PCDH15: variants seen among roughly 807,000 people sequenced by gnomAD.
PCDH15 encodes protocadherin-15.
A neutral mutation model predicts 178.5 loss-of-function variants in PCDH15; 129 were observed. The observed-to-expected ratio is 0.72, with a 90% CI of 0.63 to 0.84. The LOEUF (loss-of-function observed/expected upper bound fraction) is 0.84, where lower values mean the gene tolerates loss of function less well. Among genes scored for constraint, PCDH15 ranks in the 40% least tolerant of loss-of-function variants. PCDH15 has a pLI of 0.00. For synonymous variants in PCDH15, 800 were observed against 732.0 expected, an observed-to-expected ratio of 1.09 and a Z score of -1.50; for missense variants, 2,230 against 2,099.9, an observed-to-expected ratio of 1.06 and a Z score of -1.21.
At chr10:54,638,003 T>G (rs991799273) in intron 2 of PCDH15, among the ~76,000 whole-genome samples, 27 of 152,018 alleles carry the variant, frequency 1.8e-4, no homozygotes, top group African/African-American at 6.3e-4. Context: ...TCCTTTAGAT[T>G]AATTCCTTCA....
At chr10:54,933,361 T>C (rs1236036061) in intron 2 of PCDH15, among the ~76,000 whole-genome samples, 8 of 152,148 alleles carry the variant, frequency 5.3e-5, no homozygotes, top group Admixed American at 5.2e-4. Context: ...GTGTTTTATA[T>C]TGTTTCTTGG....
At chr10:54,641,061 GC>G in intron 2 of PCDH15, 1 of 271,812 alleles carries the variant, frequency 3.7e-6, no homozygotes, top group Non-Finnish European at 7.4e-6. Flanking sequence ...CCGAGATGGT[GC>G]CACTGCACTC....
In PCDH15 at chr10:54,659,762, A is replaced by AT. The variant is rs563430510; in HGVS notation, c.91+4409_91+4410insA. Among the ~76,000 whole-genome samples the AT allele has an allele frequency of 2.1e-4, 27 of 127,900 alleles. 1 individual carries two copies. In the South Asian group the frequency reaches 3.3e-3, roughly 16 times the overall value. 83.9% of individuals were successfully genotyped at this position (127,900 alleles called of 152,430 possible). A position where few individuals can be genotyped will look rare whatever the true frequency, so the allele number is the denominator to read the frequency against. On this transcript the variant is annotated intron_variant, in intron 2 of 37. Coordinates refer to ENST00000644397, the MANE Select transcript of PCDH15 (RefSeq NM_001384140.1). ...GAGTAAGACCCTGTCTCAAAAAAAAAAAAAAATACATATCAGGAGAAACTC... is the reference window on the plus strand; with the variant it reads ...GAGTAAGACCCTGTCTCAAAAAAAAATAAAAAATACATATCAGGAGAAACTC...
chr10:54,265,356 C>T lies in PCDH15; in HGVS notation c.877-28425G>A, dbSNP rs61858818. On this transcript the variant is annotated intron_variant, in intron 8 of 37. Transcript: ENST00000644397. ...TACCACAGACTCTATAAAGCAACTA[C>T]ACAATTGAGACTGCAAAGAAACTAG... Among the ~76,000 whole-genome samples the T allele has an allele frequency of 8.5e-3, 1,286 of 152,026 alleles. 13 individuals carry two copies. Among genetic ancestry groups the T allele is most frequent in the Middle Eastern group, 0.021 (6 of 292 alleles).
At chr10:54,735,405 T>C (rs932941872) in intron 1 of PCDH15, among the ~76,000 whole-genome samples, 15 of 152,002 alleles carry the variant, frequency 9.9e-5, no homozygotes, top group African/African-American at 3.6e-4. Flanking sequence ...TCATGTGTTT[T>C]ACACTGTTGG....
At chr10:54,455,845 G>T (rs11004315) in intron 3 of PCDH15, among the ~76,000 whole-genome samples, 29,021 of 152,052 alleles carry the variant, frequency 0.19, 2,996 homozygotes, top group East Asian at 0.31. Context: ...CATCCCAGCT[G>T]CTTCAGCTCC....
At chr10:55,627,210 T>C (rs1837546913) in intron 2 of PCDH15, among the ~76,000 whole-genome samples, 1 of 151,428 alleles carries the variant, frequency 6.6e-6, no homozygotes. Flanking sequence ...TAAGAAAACT[T>C]GCATGGGGAA....
intron 21 of PCDH15, among the ~76,000 whole-genome samples, chr10:53,989,389 C>T (rs1166471307): frequency 6.6e-6 from 1 of 152,116 alleles, no homozygotes; most frequent in African/African-American, 2.4e-5. Context: ...GCATTATTTA[C>T]ATCTGAATTG....
chr10:54,427,885 C>A lies in PCDH15; in HGVS notation c.158-48943G>T, dbSNP rs1409450319. ...ATCGTCATGTGTAGCTACAATTGCT[C>A]AGTATTACTCTGTAGTATGAGTAGC... On this transcript the variant is annotated intron_variant, in intron 3 of 37. Transcript: ENST00000644397. 4.6e-5 allele frequency among the ~76,000 whole-genome samples: 7 copies of A among 152,080 alleles called. No homozygotes were observed. The East Asian group carries it at 1.4e-3, about 29-fold the overall frequency.
At chr10:55,147,982 AG>A (rs1295420573) in intron 2 of PCDH15, among the ~76,000 whole-genome samples, 2 of 151,798 alleles carry the variant, frequency 1.3e-5, no homozygotes, top group African/African-American at 4.8e-5. Context: ...GTTTCCCAAA[AG>A]GGGGGAAAAT....
intron 3 of PCDH15, among the ~76,000 whole-genome samples, chr10:54,883,361 T>C (rs1359732352): frequency 5.3e-5 from 8 of 152,054 alleles, no homozygotes; most frequent in Admixed American, 5.3e-4. Flanking sequence ...AGAAAAGGAA[T>C]TTTATAATAC....
intron 15 of PCDH15, among the ~76,000 whole-genome samples, chr10:54,122,000 C>CAGACAG (rs199773906): frequency 7.3e-6 from 1 of 136,112 alleles, no homozygotes; most frequent in Non-Finnish European, 1.6e-5. Flanking sequence ...GGCAAAGACA[C>CAGACAG]ATACACACAC....
intron 2 of PCDH15, among the ~76,000 whole-genome samples, chr10:55,344,977 T>A (rs1844708050): frequency 6.6e-6 from 1 of 151,982 alleles, no homozygotes; most frequent in Non-Finnish European, 1.5e-5. Flanking sequence ...TTATCTTCCT[T>A]TTGAAGGATT....
intron 25 of PCDH15, among the ~76,000 whole-genome samples, chr10:53,934,059 G>C (rs2085337676): frequency 6.6e-6 from 1 of 152,274 alleles, no homozygotes; most frequent in South Asian, 2.1e-4. Context: ...GTTCATTGTA[G>C]ATTCTGGATA....
intron 26 of PCDH15, among the ~76,000 whole-genome samples, chr10:53,875,979 A>G (rs1456931065): frequency 1.3e-5 from 2 of 152,166 alleles, no homozygotes; most frequent in Non-Finnish European, 2.9e-5. Context: ...GTTTAACTTT[A>G]GCTTCTCAAT....
intron 3 of PCDH15, among the ~76,000 whole-genome samples, chr10:54,493,233 T>G (rs1483474997): frequency 6.6e-6 from 1 of 151,940 alleles, no homozygotes; most frequent in Non-Finnish European, 1.5e-5. Flanking sequence ...TTATCCATGG[T>G]CTTAGGCATC....
intron 3 of PCDH15, among the ~76,000 whole-genome samples, chr10:54,856,646 C>A (rs1252173067): frequency 6.6e-6 from 1 of 152,126 alleles, no homozygotes; most frequent in East Asian, 1.9e-4. Context: ...CTCACCCTGG[C>A]TTGTTAATTA....
At chr10:54,536,126 G>A (rs2084492180) in intron 2 of PCDH15, among the ~76,000 whole-genome samples, 1 of 152,162 alleles carries the variant, frequency 6.6e-6, no homozygotes, top group Non-Finnish European at 1.5e-5. Flanking sequence ...TAATGTTGTG[G>A]TTAAGAACAT....
chr10:54,449,376 C>T (rs544303386), intron 3 of PCDH15, among the ~76,000 whole-genome samples: 74 of 151,892 alleles, frequency 4.9e-4, no homozygotes, highest in Non-Finnish European at 9.3e-4. Flanking sequence ...AAACAACACA[C>T]ACACTGAGAG....
Sources: allele counts gnomAD v4.1 joint callset (sites outside exome capture counted in the v4.1 genomes callset), GRCh38; gene constraint gnomAD v4.1.1; transcripts MANE v1.5; gene names NCBI Gene and HGNC (gene_info 2026-07-23, HGNC 2026-07-21).